Variants in PPP1R37 observed in about 807,000 individuals in gnomAD.
PPP1R37 encodes protein phosphatase 1 regulatory subunit 37, also known as leucine rich repeat containing 68.
A neutral mutation model predicts 61.0 loss-of-function variants in PPP1R37; 21 were observed. That is an observed-to-expected ratio of 0.34 (90% CI 0.24 to 0.50). PPP1R37 has a LOEUF of 0.50. Ranked by LOEUF, PPP1R37 falls within the 20% of genes least tolerant of loss-of-function variation. The probability of loss-of-function intolerance (pLI) is 0.98; values close to 1 mark genes in which losing one functional copy is unlikely to be tolerated. For synonymous variants in PPP1R37, 443 were observed against 433.5 expected, an observed-to-expected ratio of 1.02 and a Z score of -0.27; for missense variants, 910 against 952.7, an observed-to-expected ratio of 0.96 and a Z score of 0.59.
intron 1 of PPP1R37, 130 bp from the exon 2 acceptor site, chr19:45,138,384 C>G: frequency 1.5e-6 from 1 of 664,530 alleles, no homozygotes; most frequent in Admixed American, 2.6e-5. Flanking sequence ...GGACAGAGCT[C>G]AGGCAGCCTG....
At chr19:45,143,657 G>T in intron 8 of PPP1R37, 24 bp downstream of exon 8, 1 of 1,431,106 alleles carries the variant, frequency 7.0e-7, no homozygotes, top group Non-Finnish European at 9.5e-7. Context: ...GCAGGGAAGG[G>T]AGGCACCTCG....
chr19:45,093,609 T>C, intron 1 of PPP1R37, 82 bp downstream of exon 1: 2 of 1,076,122 alleles, frequency 1.9e-6, no homozygotes, highest in East Asian at 5.7e-5. Flanking sequence ...CGGCTCGAGG[T>C]GGCGTTCAAT....
At chr19:45,100,836 GT>G (rs1968054036) in intron 1 of PPP1R37, among the ~76,000 whole-genome samples, 2 of 152,230 alleles carry the variant, frequency 1.3e-5, no homozygotes, top group Admixed American at 1.3e-4. Flanking sequence ...GACAGCTTGA[GT>G]CCCTGGAGAT....
At chr19:45,135,431 G>T (rs1299187019) in intron 1 of PPP1R37, among the ~76,000 whole-genome samples, 1 of 152,248 alleles carries the variant, frequency 6.6e-6, no homozygotes, top group Non-Finnish European at 1.5e-5. Context: ...CTAAGCGTTT[G>T]CAGTGCTAGG....
At chr19:45,140,794 G>C (rs1172108622) in intron 4 of PPP1R37, 188 bp downstream of exon 4, 1 of 591,538 alleles carries the variant, frequency 1.7e-6, no homozygotes, top group Non-Finnish European at 3.0e-6. Context: ...TGGAGGGCGC[G>C]TTGGGGCACC....
In PPP1R37 at chr19:45,140,624, C is replaced by T. The variant is rs1046510899; in HGVS notation, c.447+18C>T. The stretch of plus-strand genomic sequence containing the variant: ...ATGAAGATGTGAGCGGCCCTGCCAC[C>T]GCCCACTTGGCTCCCTGAGCTCCCG... On this transcript the variant is annotated intron_variant, in intron 4 of 12. Transcript: ENST00000221462. The T allele has an allele frequency of 1.1e-4, 174 of 1,525,694 alleles. 1 individual carries two copies. Among genetic ancestry groups the T allele is most frequent in the Non-Finnish European group, 1.4e-4 (154 of 1,137,602 alleles). 94.5% of individuals were successfully genotyped at this position (1,525,694 alleles called of 1,614,324 possible). A position where few individuals can be genotyped will look rare whatever the true frequency, so the allele number is the denominator to read the frequency against.
At chr19:45,111,845 GC>G (rs1968205169) in intron 1 of PPP1R37, among the ~76,000 whole-genome samples, 1 of 152,102 alleles carries the variant, frequency 6.6e-6, no homozygotes, top group Non-Finnish European at 1.5e-5. Context: ...TCATCAGGTG[GC>G]CTTTTTAAAA....
chr19:45,117,343 G>A (rs1199067583), intron 1 of PPP1R37, among the ~76,000 whole-genome samples: 1 of 152,204 alleles, frequency 6.6e-6, no homozygotes, highest in African/African-American at 2.4e-5. Flanking sequence ...CACAAAGCCT[G>A]TAGAGTGGCT....
intron 8 of PPP1R37, chr19:45,144,563 C>T (rs1968658428): frequency 2.3e-6 from 1 of 429,384 alleles, no homozygotes. Context: ...CTTCAGGGCG[C>T]TCAAGGTCCA....
rs1968684054 is a variant in PPP1R37 at position 45,145,654 on chromosome 19, C to T, written c.1598C>T (p.Pro533Leu). 6.5e-7 allele frequency: 1 copy of T among 1,535,378 alleles called. No individual in the cohort carries two copies. The highest frequency in any genetic ancestry group is 8.7e-7 in the Non-Finnish European group (1 of 1,146,450). The change falls in exon 11 of 13, where the codon CCC becomes CTC. Residue 533 changes from proline to leucine, a missense_variant. Around this residue, in one of 3 missense-constraint regions of PPP1R37, gnomAD observed 549 missense variants for 505.1 expected, o/e 1.09. Coordinates refer to ENST00000221462, the MANE Select transcript of PPP1R37 (RefSeq NM_019121.2). Reference protein sequence around the residue: ...RDETPCPALVPPTDSLGPGDR... With the variant: ...RDETPCPALVLPTDSLGPGDR... ...GAGACCCCCTGTCCTGCCCTGGTGC[C>T]CCCCACGGACTCCCTGGGCCCTGGG...
chr19:45,096,366 C>G (rs747238247), intron 1 of PPP1R37, among the ~76,000 whole-genome samples: 1 of 152,100 alleles, frequency 6.6e-6, no homozygotes, highest in South Asian at 2.1e-4. Flanking sequence ...TCTGCAGATT[C>G]CCAGAACAGG....
At chr19:45,141,002 C>G (rs1968604107) in intron 4 of PPP1R37, among the ~76,000 whole-genome samples, 1 of 152,126 alleles carries the variant, frequency 6.6e-6, no homozygotes, top group Non-Finnish European at 1.5e-5. Flanking sequence ...CCCAGGCACC[C>G]CAGGTGTCGG....
chr19:45,116,009 G>A (rs543124018), intron 1 of PPP1R37, among the ~76,000 whole-genome samples: 4 of 152,180 alleles, frequency 2.6e-5, no homozygotes, highest in Non-Finnish European at 4.4e-5. Context: ...CACATGGGGG[G>A]ACTCGGGTGC....
chr19:45,106,386 C>T (rs1968131005), intron 1 of PPP1R37, among the ~76,000 whole-genome samples: 1 of 152,126 alleles, frequency 6.6e-6, no homozygotes, highest in South Asian at 2.1e-4. Flanking sequence ...GGATTATAGG[C>T]ATGCGCCACC....
intron 1 of PPP1R37, among the ~76,000 whole-genome samples, chr19:45,126,435 G>A (rs1599703343): frequency 6.6e-6 from 1 of 152,322 alleles, no homozygotes; most frequent in East Asian, 1.9e-4. Flanking sequence ...TGGCGACGGA[G>A]CAGGGATTGG....
At chr19:45,101,101 A>C (rs1968057377) in intron 1 of PPP1R37, among the ~76,000 whole-genome samples, 1 of 152,244 alleles carries the variant, frequency 6.6e-6, no homozygotes, top group African/African-American at 2.4e-5. Flanking sequence ...GGAGACACAC[A>C]GTAAAGAATT....
intron 1 of PPP1R37, among the ~76,000 whole-genome samples, chr19:45,095,361 T>A (rs1429880202): frequency 6.7e-6 from 1 of 148,734 alleles, no homozygotes; most frequent in Admixed American, 6.6e-5. Flanking sequence ...GGTCTCGAAC[T>A]CCCGACCTCA....
At chr19:45,098,141 G>A (rs1396324760) in intron 1 of PPP1R37, among the ~76,000 whole-genome samples, 1 of 151,848 alleles carries the variant, frequency 6.6e-6, no homozygotes, top group Non-Finnish European at 1.5e-5. Context: ...GGAAGCTCGG[G>A]GAGGAGGCAG....
intron 1 of PPP1R37, among the ~76,000 whole-genome samples, chr19:45,113,963 C>G (rs998384169): frequency 6.6e-6 from 1 of 152,196 alleles, no homozygotes; most frequent in Admixed American, 6.5e-5. Context: ...TCTGCTTGCT[C>G]TTTGCTCATC....
Sources: gnomAD v4.1 joint callset for allele counts (sites outside exome capture counted in the v4.1 genomes callset) on GRCh38, gnomAD v4.1.1 for gene constraint, gnomAD v4.1.1 regional missense constraint, MANE v1.5 for transcripts, NCBI Gene and HGNC (gene_info 2026-07-23, HGNC 2026-07-21) for gene names.